ELMO1: variants seen among roughly 807,000 people sequenced by gnomAD.
ELMO1 encodes the protein engulfment and cell motility protein 1.
A neutral mutation model predicts 98.9 loss-of-function variants in ELMO1; 26 were observed. That is an observed-to-expected ratio of 0.26 (90% confidence interval 0.19 to 0.36). The LOEUF is 0.36. Ranked by LOEUF, ELMO1 falls within the 10% of genes least tolerant of loss-of-function variation. The probability of loss-of-function intolerance (pLI) is 1.00; values close to 1 mark genes in which losing one functional copy is unlikely to be tolerated. For missense variants in ELMO1, 627 were observed against 935.2 expected (o/e 0.67, Z 4.30); for synonymous variants, 346 against 346.0 (o/e 1.00, Z 0.00).
At chr7:36,907,421 T>C (rs976179611) in intron 16 of ELMO1, among the ~76,000 whole-genome samples, 2 of 152,156 alleles carry the variant, frequency 1.3e-5, no homozygotes, top group African/African-American at 4.8e-5. Context: ...TTGCAAGCCA[T>C]TTATTATGTT....
chr7:37,242,402 C>A (rs1191436409), intron 7 of ELMO1, among the ~76,000 whole-genome samples: 2 of 152,126 alleles, frequency 1.3e-5, no homozygotes, highest in African/African-American at 4.8e-5. Flanking sequence ...TTTTAAAAAA[C>A]CTTCATCTGC....
chr7:36,873,288 C>G (rs1803684501), intron 19 of ELMO1, among the ~76,000 whole-genome samples: 2 of 152,148 alleles, frequency 1.3e-5, no homozygotes, highest in African/African-American at 4.8e-5. Context: ...AGGGGTCAGA[C>G]TCATATCTCC....
chr7:37,204,860 C>G (rs1318466103), intron 13 of ELMO1, among the ~76,000 whole-genome samples: 1 of 152,180 alleles, frequency 6.6e-6, no homozygotes, highest in Non-Finnish European at 1.5e-5. Flanking sequence ...GGTGTGTTTA[C>G]AAACCTTTAG....
intron 1 of ELMO1, among the ~76,000 whole-genome samples, chr7:37,391,584 C>A (rs2131421659): frequency 6.6e-6 from 1 of 152,270 alleles, no homozygotes; most frequent in African/African-American, 2.4e-5. Flanking sequence ...AGAGTTTATA[C>A]CAGGAGGTGC....
rs558860773 is a variant in ELMO1, at chr7:37,204,764, A to G, written c.1086+6622T>C. Among the ~76,000 whole-genome samples, 219 of 152,260 alleles carry G rather than the reference A, an allele frequency of 1.4e-3. 1 individual carries two copies. The highest frequency in any genetic ancestry group is 8.7e-3 in the South Asian group (42 of 4,822). On this transcript the variant is annotated intron_variant, in intron 13 of 21. Transcript: ENST00000310758. ...ACAAACCTTTAGCTAGACACAGAGC[A>G]CTGATTGGTGCATTTACAATCCTTT...
intron 4 of ELMO1, among the ~76,000 whole-genome samples, chr7:37,300,846 C>G (rs1220544403): frequency 6.6e-6 from 1 of 151,906 alleles, no homozygotes; most frequent in Non-Finnish European, 1.5e-5. Flanking sequence ...AGGAATGGTA[C>G]CAGTTCCTCC....
chr7:36,929,282 C>A (rs767680500), intron 16 of ELMO1, among the ~76,000 whole-genome samples: 1 of 152,198 alleles, frequency 6.6e-6, no homozygotes, highest in Admixed American at 6.5e-5. Context: ...TCAAGCTCCA[C>A]ATGAAAGTGC....
intron 15 of ELMO1, among the ~76,000 whole-genome samples, chr7:37,053,285 AACACACACACAC>A (rs59573752): frequency 0.025 from 3,490 of 138,834 alleles, 123 homozygotes; most frequent in African/African-American, 0.081. Context: ...CATTTGTTAA[AACACACACACAC>A]ACACACACAC....
Position 37,213,421 on chromosome 7 carries a change from T to A in ELMO1, c.868A>T (p.Met290Leu), listed in dbSNP as rs752410250. 1.2e-6 allele frequency: 2 copies of A among 1,612,462 alleles called. No individual in the cohort carries two copies. The highest frequency in any genetic ancestry group is 2.2e-5 in the South Asian group (2 of 91,000). Residue 290 changes from methionine to leucine, a missense_variant, in exon 12 of 22, where the codon ATG (methionine) becomes TTG (leucine). This residue lies in a region of ELMO1 where 492 missense variants were observed against 715.6 expected (regional missense o/e 0.69). Transcript: ENST00000310758. ...TGTAGAACATACAGCTGGTGCGCCA[T>A]CTCATTGTTGATGGCCCGCTGGGCT... ...IRAQRAINNE[M>L]AHQLYVLQVL... is the part of the protein sequence containing the mutation.
intron 15 of ELMO1, among the ~76,000 whole-genome samples, chr7:37,080,780 C>T (rs1797830518): frequency 6.6e-6 from 1 of 151,700 alleles, no homozygotes; most frequent in Non-Finnish European, 1.5e-5. Flanking sequence ...TACTATCTTT[C>T]CCTGGTTCTC....
intron 2 of ELMO1, among the ~76,000 whole-genome samples, chr7:37,337,246 T>C (rs1000134068): frequency 3.3e-5 from 5 of 152,140 alleles, no homozygotes; most frequent in Admixed American, 6.6e-5. Context: ...TCATGTCCTT[T>C]GGATCCATTC....
chr7:37,248,697 T>C (rs1237882687), intron 6 of ELMO1, among the ~76,000 whole-genome samples: 1 of 152,246 alleles, frequency 6.6e-6, no homozygotes, highest in Non-Finnish European at 1.5e-5. Flanking sequence ...TGTCTGGGTC[T>C]GTGGCCTCTG....
At chr7:37,023,380 C>T (rs993306923) in intron 15 of ELMO1, among the ~76,000 whole-genome samples, 2 of 152,086 alleles carry the variant, frequency 1.3e-5, no homozygotes, top group African/African-American at 4.8e-5. Flanking sequence ...TTTCAGTGGG[C>T]TTTTCAGAAT....
intron 13 of ELMO1, among the ~76,000 whole-genome samples, chr7:37,187,866 G>A (rs1188581150): frequency 6.6e-6 from 1 of 152,150 alleles, no homozygotes; most frequent in Non-Finnish European, 1.5e-5. Context: ...ACGACACAAG[G>A]CCATTCTTCA....
In ELMO1 at chr7:37,013,405, A is replaced by G. The variant is rs1793696591; in HGVS notation, c.1331T>C (p.Met444Thr). 1 of 1,613,970 alleles carries G rather than the reference A, an allele frequency of 6.2e-7. No homozygotes were observed. Among genetic ancestry groups the G allele is most frequent in the Admixed American group, 1.7e-5 (1 of 60,004 alleles). Reference sequence around the variant, plus strand: ...AAAGGATCTGTCGTGGGTGAAGAACATCGGGTGGAAGTCGTTGCAGGTCTC... The same window carrying G: ...AAAGGATCTGTCGTGGGTGAAGAACGTCGGGTGGAAGTCGTTGCAGGTCTC... ...PSETCNDFHP[M>T]FFTHDRSFEE... Residue 444 changes from methionine to threonine, a missense_variant, in exon 16 of 22, where the codon ATG (methionine) becomes ACG (threonine). Met to Thr is a moderately conservative substitution (Grantham distance 81). This residue lies in a region of ELMO1 where 492 missense variants were observed against 715.6 expected (regional missense o/e 0.69). Transcript: ENST00000310758.
intron 13 of ELMO1, among the ~76,000 whole-genome samples, chr7:37,163,343 T>G (rs201747527): frequency 2.1e-4 from 32 of 149,940 alleles, no homozygotes; most frequent in East Asian, 8.0e-4. Context: ...TGTTCTTTTT[T>G]TTTTTTTTTA....
At chr7:37,263,251 A>G (rs917840917) in intron 5 of ELMO1, among the ~76,000 whole-genome samples, 1 of 150,342 alleles carries the variant, frequency 6.7e-6, no homozygotes, top group Non-Finnish European at 1.5e-5. Flanking sequence ...CACTCTTTAT[A>G]TAATTTTATA....
chr7:37,201,819 C>T (rs1431071475), intron 13 of ELMO1, among the ~76,000 whole-genome samples: 3 of 152,164 alleles, frequency 2.0e-5, no homozygotes, highest in African/African-American at 7.2e-5. Context: ...CTTGTTGGGG[C>T]CAGGGATGCC....
intron 1 of ELMO1, among the ~76,000 whole-genome samples, chr7:37,404,805 A>T (rs1001854641): frequency 1.3e-5 from 2 of 152,228 alleles, no homozygotes; most frequent in Admixed American, 1.3e-4. Context: ...TTAGTTCTAA[A>T]TAGATTGTGG....
Sources: allele counts gnomAD v4.1 joint callset (sites outside exome capture counted in the v4.1 genomes callset), GRCh38; gene constraint gnomAD v4.1.1; regional missense constraint gnomAD v4.1.1; transcripts MANE v1.5; gene names NCBI Gene and HGNC (gene_info 2026-07-23, HGNC 2026-07-21).